PTPRT: variants seen among roughly 807,000 people sequenced by gnomAD.
PTPRT encodes receptor-type tyrosine-protein phosphatase T.
A neutral mutation model predicts 176.8 loss-of-function variants in PTPRT; 56 were observed. The ratio of observed to expected loss-of-function variants is 0.32; its 90% CI spans 0.26 to 0.40. The LOEUF (loss-of-function observed/expected upper bound fraction) is 0.40, where lower values mean the gene tolerates loss of function less well. Ranked by LOEUF, PTPRT falls within the 10% of genes least tolerant of loss-of-function variation. The pLI is 1.00. For synonymous variants in PTPRT, 783 were observed against 739.0 expected, an observed-to-expected ratio of 1.06 and a Z score of -0.96; for missense variants, 1,540 against 1,908.2, an observed-to-expected ratio of 0.81 and a Z score of 3.60.
intron 1 of PTPRT, among the ~76,000 whole-genome samples, chr20:43,053,097 C>T (rs529866666): frequency 3.9e-5 from 6 of 152,102 alleles, no homozygotes; most frequent in South Asian, 2.1e-4. Flanking sequence ...GGCTACAACA[C>T]GGGTGAGCCT....
intron 1 of PTPRT, among the ~76,000 whole-genome samples, chr20:43,110,810 G>A (rs2012825640): frequency 6.6e-6 from 1 of 152,134 alleles, no homozygotes; most frequent in Non-Finnish European, 1.5e-5. Flanking sequence ...GAAGGCAAAT[G>A]GAGAAAGTCA....
chr20:42,874,137 G>A (rs1374704909), intron 2 of PTPRT, among the ~76,000 whole-genome samples: 1 of 152,116 alleles, frequency 6.6e-6, no homozygotes, highest in African/African-American at 2.4e-5. Context: ...CCATGATCAG[G>A]ATGATTCTCA....
intron 6 of PTPRT, among the ~76,000 whole-genome samples, chr20:42,696,751 G>A (rs1016878871): frequency 4.6e-5 from 7 of 152,024 alleles, no homozygotes; most frequent in South Asian, 4.1e-4. Flanking sequence ...CACCCCGCCC[G>A]GCCATGAATG....
chr20:42,499,870 G>A (rs1401603735), intron 7 of PTPRT, among the ~76,000 whole-genome samples: 1 of 152,040 alleles, frequency 6.6e-6, no homozygotes, highest in Non-Finnish European at 1.5e-5. Flanking sequence ...CCCTTCTTCA[G>A]CTTCTATCAT....
At chr20:42,190,430 T>A (rs1193821725) in intron 16 of PTPRT, among the ~76,000 whole-genome samples, 1 of 152,174 alleles carries the variant, frequency 6.6e-6, no homozygotes, top group Non-Finnish European at 1.5e-5. Context: ...AGTACTCCTA[T>A]GGCAATAACC....
intron 9 of PTPRT, among the ~76,000 whole-genome samples, chr20:42,447,475 G>C (rs970834477): frequency 6.6e-6 from 1 of 151,962 alleles, no homozygotes; most frequent in Non-Finnish European, 1.5e-5. Context: ...GTAATCTTAT[G>C]TTGTGTAAGA....
chr20:42,694,867 A>T (rs1444525357), intron 6 of PTPRT, among the ~76,000 whole-genome samples: 1 of 152,138 alleles, frequency 6.6e-6, no homozygotes, highest in Non-Finnish European at 1.5e-5. Context: ...AAGGCTGCAA[A>T]CAGGATGTCT....
At chr20:42,325,141 A>G (rs543275150) in intron 11 of PTPRT, among the ~76,000 whole-genome samples, 1 of 152,292 alleles carries the variant, frequency 6.6e-6, no homozygotes, top group Non-Finnish European at 1.5e-5. Flanking sequence ...GAGGGCAGCA[A>G]GAACTCTGCC....
chr20:42,285,411 A>G (rs1321534821), intron 12 of PTPRT, among the ~76,000 whole-genome samples: 3 of 152,070 alleles, frequency 2.0e-5, no homozygotes, highest in Non-Finnish European at 2.9e-5. Context: ...TGAATAGAGC[A>G]GAGGGCAAAG....
chr20:42,420,101 T>C (rs371957174), intron 9 of PTPRT, among the ~76,000 whole-genome samples: 32 of 152,306 alleles, frequency 2.1e-4, no homozygotes, highest in African/African-American at 7.5e-4. Context: ...GTCTGCTGTC[T>C]AAAGCCACCT....
At chr20:42,110,768 T>A (rs886699224) in intron 22 of PTPRT, among the ~76,000 whole-genome samples, 18 of 128,274 alleles carry the variant, frequency 1.4e-4, no homozygotes, top group African/African-American at 5.6e-4. Context: ...CAGAGCACCC[T>A]AGGAGACCTT....
intron 4 of PTPRT, among the ~76,000 whole-genome samples, chr20:42,776,124 G>A (rs192363917): frequency 2.0e-5 from 3 of 152,236 alleles, no homozygotes; most frequent in Non-Finnish European, 2.9e-5. Context: ...CACTATCTCC[G>A]ATGCCTGACT....
At chr20:42,343,931 G>A (rs540324839) in intron 11 of PTPRT, among the ~76,000 whole-genome samples, 68 of 152,322 alleles carry the variant, frequency 4.5e-4, no homozygotes, top group African/African-American at 1.1e-3. Flanking sequence ...ACGGAGTCTC[G>A]CTCTGTCACC....
At chr20:42,157,144 T>C (rs1388247053) in intron 17 of PTPRT, among the ~76,000 whole-genome samples, 4 of 152,170 alleles carry the variant, frequency 2.6e-5, no homozygotes, top group Non-Finnish European at 5.9e-5. Flanking sequence ...ACTCTCTGGA[T>C]CTGGAACTCT....
At chr20:42,090,058 A>G (rs2425467) in intron 27 of PTPRT, among the ~76,000 whole-genome samples, 89,030 of 151,790 alleles carry the variant, frequency 0.59, 26,569 homozygotes, top group Middle Eastern at 0.71. Flanking sequence ...TGGCTCTATC[A>G]CTTTCTAGTT....
At chr20:42,633,998 ATT>A (rs11469713) in intron 7 of PTPRT, among the ~76,000 whole-genome samples, 2,957 of 28,884 alleles carry the variant, frequency 0.1, 699 homozygotes, top group African/African-American at 0.36. Context: ...TATTATATAT[ATT>A]ATATATATAT....
chr20:42,411,240 T>C (rs1323954253), intron 9 of PTPRT, among the ~76,000 whole-genome samples: 1 of 150,746 alleles, frequency 6.6e-6, no homozygotes, highest in Non-Finnish European at 1.5e-5. Flanking sequence ...AGGCCAAGAG[T>C]TTAAGACCAG....
chr20:42,444,479 G>A (rs2059346079), intron 9 of PTPRT, among the ~76,000 whole-genome samples: 1 of 152,176 alleles, frequency 6.6e-6, no homozygotes, highest in South Asian at 2.1e-4. Flanking sequence ...GGGCAGAATT[G>A]TCTGAGGATG....
chr20:43,062,606 T>G (rs147646656), intron 1 of PTPRT, among the ~76,000 whole-genome samples: 207 of 152,336 alleles, frequency 1.4e-3, no homozygotes, highest in African/African-American at 4.9e-3. Flanking sequence ...TGCAATCACG[T>G]TAACGCTATG....
Sources: allele counts gnomAD v4.1 joint callset (sites outside exome capture counted in the v4.1 genomes callset), GRCh38; gene constraint gnomAD v4.1.1; transcripts MANE v1.5; gene names NCBI Gene and HGNC (gene_info 2026-07-23, HGNC 2026-07-21).